The following GALNTL5 variants were observed in gnomAD, a reference collection of about 807,000 sequenced individuals.
The protein encoded by GALNTL5 is polypeptide N-acetylgalactosaminyltransferase like 5, also known as inactive polypeptide N-acetylgalactosaminyltransferase-like protein 5.
GALNTL5 carries 44 observed loss-of-function variants against 51.0 expected under a neutral mutation model. The ratio of observed to expected loss-of-function variants is 0.86; its 90% CI spans 0.68 to 1.11. The LOEUF is 1.11. GALNTL5 is among the 50% of genes least tolerant of loss of function. GALNTL5 has a pLI of 0.00. For missense variants in GALNTL5, 528 were observed against 531.8 expected (o/e 0.99, Z 0.07); for synonymous variants, 192 against 182.8 (o/e 1.05, Z -0.41).
At chr7:151,971,303 G>A (rs552146609) in intron 3 of GALNTL5, among the ~76,000 whole-genome samples, 1 of 152,284 alleles carries the variant, frequency 6.6e-6, no homozygotes, top group African/African-American at 2.4e-5. Flanking sequence ...TGTTCTAGAG[G>A]CTTCCAAGAA....
intron 1 of GALNTL5, among the ~76,000 whole-genome samples, chr7:151,957,043 G>A (rs28376896): frequency 0.027 from 4,131 of 151,570 alleles, 179 homozygotes; most frequent in African/African-American, 0.093. Context: ...ACGGCAGCTG[G>A]CATCTGTAAT....
At chr7:151,976,719 A>T (rs1268255392) in intron 3 of GALNTL5, among the ~76,000 whole-genome samples, 1 of 152,072 alleles carries the variant, frequency 6.6e-6, no homozygotes, top group Non-Finnish European at 1.5e-5. Flanking sequence ...CCTGGGCTGG[A>T]GTGTAGTGGC....
intron 5 of GALNTL5, among the ~76,000 whole-genome samples, chr7:152,000,897 T>C (rs545771084): frequency 3.3e-5 from 5 of 149,640 alleles, no homozygotes; most frequent in African/African-American, 1.3e-4. Flanking sequence ...TCTTTTCTTT[T>C]CTTTTTTTTC....
intron 1 of GALNTL5, among the ~76,000 whole-genome samples, chr7:151,958,477 C>G (rs1004946234): frequency 6.6e-6 from 1 of 152,214 alleles, no homozygotes; most frequent in Non-Finnish European, 1.5e-5. Flanking sequence ...TGTTACAGCT[C>G]TCTGTCTCCT....
intron 3 of GALNTL5, among the ~76,000 whole-genome samples, chr7:151,972,386 A>G (rs1214574755): frequency 6.6e-6 from 1 of 152,082 alleles, no homozygotes; most frequent in Non-Finnish European, 1.5e-5. Context: ...GAAAAGAAAA[A>G]CCCATTTTCT....
chr7:152,016,502 C>T (rs2081816262), intron 8 of GALNTL5, among the ~76,000 whole-genome samples: 1 of 151,914 alleles, frequency 6.6e-6, no homozygotes, highest in Non-Finnish European at 1.5e-5. Context: ...TACAAAATTA[C>T]ATCTGAAAAT....
intron 6 of GALNTL5, 27 bp from the exon 7 acceptor site, chr7:152,007,800 A>G: frequency 8.4e-7 from 1 of 1,193,628 alleles, no homozygotes; most frequent in Non-Finnish European, 1.3e-6. Context: ...CTGTGAAATT[A>G]ATTTCATATT....
intron 7 of GALNTL5, 56 bp from the exon 8 acceptor site, chr7:152,014,588 G>A (rs1445903426): frequency 6.6e-7 from 1 of 1,525,042 alleles, no homozygotes; most frequent in Non-Finnish European, 8.8e-7. Context: ...TTTAAAAGCA[G>A]TTGCCTGTTA....
At chr7:152,015,453 G>T (rs562907725) in intron 8 of GALNTL5, among the ~76,000 whole-genome samples, 1 of 150,754 alleles carries the variant, frequency 6.6e-6, no homozygotes, top group Admixed American at 6.6e-5. Context: ...TCTGCCTCTC[G>T]GATTCAAGCG....
intron 1 of GALNTL5, chr7:151,960,452 T>C (rs975263509): frequency 6.6e-6 from 1 of 152,236 alleles, no homozygotes; most frequent in African/African-American, 2.4e-5. Context: ...TCCTGGACCA[T>C]TAGCAACCAT....
At chr7:151,981,482 C>G (rs1352753824) in intron 3 of GALNTL5, among the ~76,000 whole-genome samples, 1 of 152,134 alleles carries the variant, frequency 6.6e-6, no homozygotes, top group Non-Finnish European at 1.5e-5. Flanking sequence ...CCTTGAGGCT[C>G]CAGCTGCTGC....
At chr7:151,982,329 G>A (rs1467226037) in intron 3 of GALNTL5, among the ~76,000 whole-genome samples, 2 of 152,028 alleles carry the variant, frequency 1.3e-5, no homozygotes, top group South Asian at 2.1e-4. Context: ...CAGGAGAATC[G>A]CTTGAACCCA....
intron 2 of GALNTL5, among the ~76,000 whole-genome samples, chr7:151,970,052 C>G (rs1273124762): frequency 6.6e-6 from 1 of 151,822 alleles, no homozygotes; most frequent in Non-Finnish European, 1.5e-5. Flanking sequence ...CCTCGTGATC[C>G]ACCCACCTCA....
At chr7:151,973,164 T>C (rs1345904473) in intron 3 of GALNTL5, among the ~76,000 whole-genome samples, 2 of 152,002 alleles carry the variant, frequency 1.3e-5, no homozygotes, top group East Asian at 3.9e-4. Flanking sequence ...TTCAGAACTT[T>C]AAGATTTAGG....
intron 3 of GALNTL5, among the ~76,000 whole-genome samples, chr7:151,981,331 G>A (rs9648731): frequency 0.29 from 44,667 of 152,026 alleles, 7,242 homozygotes; most frequent in African/African-American, 0.43. Flanking sequence ...TGCTCTAAGT[G>A]TTGTAGGCAT....
intron 5 of GALNTL5, among the ~76,000 whole-genome samples, chr7:151,994,387 C>T (rs190543882): frequency 3.6e-4 from 55 of 152,220 alleles, no homozygotes; most frequent in South Asian, 1.2e-3. Context: ...TGTTCATGTG[C>T]GCACACTCCT....
In GALNTL5 at chr7:151,961,988, T is replaced by C. The variant is rs188511119; in HGVS notation, c.-39-5220T>C. ...CACTTTTGACTCTTCAATCTGTTTC[T>C]TATGATAGTTACCTTCTTTTTTTTT... On this transcript the variant is annotated intron_variant, in intron 1 of 8. Coordinates refer to ENST00000392800, the MANE Select transcript of GALNTL5 (RefSeq NM_145292.4). Among the ~76,000 whole-genome samples, 1,112 of 149,002 alleles carry C rather than the reference T, an allele frequency of 7.5e-3. 7 individuals carry two copies. Among genetic ancestry groups the C allele is most frequent in the Middle Eastern group, 0.014 (4 of 288 alleles).
intron 6 of GALNTL5, among the ~76,000 whole-genome samples, chr7:152,005,271 A>G (rs557325130): frequency 1.3e-5 from 2 of 151,820 alleles, no homozygotes; most frequent in East Asian, 1.9e-4. Context: ...GCTTAAGCCA[A>G]TGATAACTCA....
chr7:152,003,684 A>T (rs1387450787), intron 6 of GALNTL5, among the ~76,000 whole-genome samples: 1 of 152,216 alleles, frequency 6.6e-6, no homozygotes, highest in Non-Finnish European at 1.5e-5. Flanking sequence ...AATATGTAGA[A>T]ATCTCAACTT....
Sources: allele counts gnomAD v4.1 joint callset (sites outside exome capture counted in the v4.1 genomes callset), GRCh38; gene constraint gnomAD v4.1.1; transcripts MANE v1.5; gene names NCBI Gene and HGNC (gene_info 2026-07-23, HGNC 2026-07-21).